Variants in SPNS1 observed in about 807,000 individuals in gnomAD.
The protein encoded by SPNS1 is protein spinster homolog 1.
SPNS1 carries 22 observed loss-of-function variants against 50.3 expected under a neutral mutation model. The observed-to-expected ratio is 0.44, with a 90% CI of 0.31 to 0.62. The LOEUF (loss-of-function observed/expected upper bound fraction) is 0.62. Among genes scored for constraint, SPNS1 ranks in the 20% least tolerant of loss-of-function variants. The pLI, the probability that SPNS1 is intolerant of heterozygous loss-of-function variation, is 0.07. For missense variants in SPNS1, 576 were observed against 728.6 expected, an observed-to-expected ratio of 0.79 and a Z score of 2.41; for synonymous variants, 295 against 317.4, an observed-to-expected ratio of 0.93 and a Z score of 0.75.
In SPNS1 at chr16:28,983,076, A is replaced by C; in HGVS notation, c.1222-116A>C. 1 of 1,208,082 alleles carries C rather than the reference A, an allele frequency of 8.3e-7. No homozygotes were observed. The highest frequency in any genetic ancestry group is 1.2e-6 in the Non-Finnish European group (1 of 832,374). 74.8% of individuals were successfully genotyped at this position (1,208,082 alleles called of 1,614,324 possible). A position where few individuals can be genotyped will look rare whatever the true frequency, so the allele number is the denominator to read the frequency against. On this transcript the variant is annotated intron_variant, in intron 9 of 11. Transcript: ENST00000311008. The surrounding 1 kb of genome is among the most constrained non-coding windows in gnomAD (Gnocchi z 5.4). ...GACCCCCGGCCTGCCCTGCGACCTCAACCCCAGGCACACCTCTGACCCCGG... is the reference window on the plus strand; with the variant it reads ...GACCCCCGGCCTGCCCTGCGACCTCCACCCCAGGCACACCTCTGACCCCGG...
rs367683708 is a variant in SPNS1, at chr16:28,982,448, G to A, written c.1058G>A (p.Arg353Gln). Residue 353 changes from arginine (R) to glutamine (Q), a missense_variant, in exon 8 of 12, where the codon CGG becomes CAG. Around this residue, in one of 3 missense-constraint regions of SPNS1, gnomAD observed 428 missense variants for 520.1 expected, o/e 0.82. Transcript: ENST00000311008. ...ISRRLRHSNPRADPLVCATGL... is the reference protein window; with the variant it reads ...ISRRLRHSNPQADPLVCATGL... ...CGCCGGCTCCGCCACTCCAACCCCC[G>A]GGCTGATCCCCTGGTCTGTGCCACT... 8.1e-6 allele frequency: 13 copies of A among 1,613,740 alleles called. No homozygotes were observed. Among genetic ancestry groups the A allele is most frequent in the Middle Eastern group, 3.3e-4 (2 of 6,082 alleles).
At chr16:28,984,624 T>C, downstream of SPNS1, 1 of 612,362 alleles carries the variant, frequency 1.6e-6, no homozygotes, top group Non-Finnish European at 2.9e-6. Flanking sequence ...CTGAAGACTG[T>C]GGGTCATTCC....
chr16:28,980,931 A>G (rs1034021827), intron 5 of SPNS1, among the ~76,000 whole-genome samples: 4 of 152,228 alleles, frequency 2.6e-5, no homozygotes, highest in African/African-American at 7.2e-5. Flanking sequence ...TGAAAGTCCC[A>G]GGTGAGCTTC....
At position 28,983,040 on chromosome 16, in the gene SPNS1, C is replaced by A; in HGVS notation, c.1221+118C>A. 1 of 1,294,078 alleles carries A rather than the reference C, an allele frequency of 7.7e-7. No homozygotes were observed. Among genetic ancestry groups the A allele is most frequent in the Non-Finnish European group, 1.1e-6 (1 of 904,218 alleles). 80.2% of individuals were successfully genotyped at this position (1,294,078 alleles called of 1,614,324 possible). On this transcript the variant is annotated intron_variant, in intron 9 of 11. Coordinates refer to ENST00000311008, the MANE Select transcript of SPNS1 (RefSeq NM_032038.3). This position sits in a 1 kb window ranked among gnomAD's most constrained non-coding sequence, Gnocchi z 5.4. Reference sequence around the variant, plus strand: ...TCAACCTACCTTCTGCAATAAATAACATCTGTAGCAGACCCCCGGCCTGCC... The same window carrying A: ...TCAACCTACCTTCTGCAATAAATAAAATCTGTAGCAGACCCCCGGCCTGCC...
intron 2 of SPNS1, among the ~76,000 whole-genome samples, chr16:28,976,213 A>C (rs1433116087): frequency 6.6e-6 from 1 of 152,194 alleles, no homozygotes; most frequent in Non-Finnish European, 1.5e-5. Context: ...CAGAGGTTGC[A>C]GTGAGCCGAG....
chr16:28,981,502 G>C lies in SPNS1; in HGVS notation c.696G>C (p.Leu232=). 6.2e-7 allele frequency: 1 copy of C among 1,614,130 alleles called. No homozygotes were observed. The highest frequency in any genetic ancestry group is 8.5e-7 in the Non-Finnish European group (1 of 1,180,012). ...VTPGLGVVAV[L]LLFLVVREPP... is the part of the protein sequence containing the mutation. ...CGGGTCTAGGAGTGGTGGCCGTTCT[G>C]CTGCTGTTCCTGGTAGTGCGGGAGC... Residue 232 remains leucine (L), a synonymous_variant, in exon 6 of 12, where the codon CTG becomes CTC. Transcript: ENST00000311008. The surrounding 1 kb of genome is among the most constrained non-coding windows in gnomAD (Gnocchi z 4.2).
At chr16:28,975,413 G>A in intron 1 of SPNS1, 21 bp downstream of exon 1, 1 of 1,614,126 alleles carries the variant, frequency 6.2e-7, no homozygotes, top group Non-Finnish European at 8.5e-7. Context: ...ACTTCTGGGA[G>A]GAAGATAGTC....
chr16:28,978,214 C>T (rs946988387), intron 3 of SPNS1, among the ~76,000 whole-genome samples, 170 bp downstream of exon 3: 7 of 152,068 alleles, frequency 4.6e-5, no homozygotes, highest in African/African-American at 1.4e-4. Flanking sequence ...CCCCATCCTC[C>T]CCTTTTCTTC....
Position 28,981,856 on chromosome 16 carries a change from G to A in SPNS1, c.810-45G>A, listed in dbSNP as rs753479723. The A allele has an allele frequency of 3.1e-6, 5 of 1,607,126 alleles. No homozygotes were observed. Among genetic ancestry groups the A allele is most frequent in the South Asian group, 2.2e-5 (2 of 90,980 alleles). ...GAGAAGAGAGGTCCCCTCCTGCCTC[G>A]ACACCTCCGTGGGGTCTTACTCTCT... On this transcript the variant is annotated intron_variant, in intron 6 of 11. Transcript: ENST00000311008. This position sits in a 1 kb window ranked among gnomAD's most constrained non-coding sequence, Gnocchi z 4.2.
intron 7 of SPNS1, 60 bp downstream of exon 7, chr16:28,982,116 C>T: frequency 6.3e-7 from 1 of 1,578,456 alleles, no homozygotes; most frequent in Non-Finnish European, 8.6e-7. Context: ...TGAAGAGCAT[C>T]TGTGGCTCAG....
chr16:28,979,109 C>G (rs1395602028), intron 3 of SPNS1, 46 bp from the exon 4 acceptor site: 8 of 1,592,142 alleles, frequency 5.0e-6, no homozygotes, highest in African/African-American at 1.3e-5. Context: ...AGCCCGGAGG[C>G]TGGTTGCAGG....
chr16:28,975,316 C>T lies in SPNS1; in HGVS notation c.165C>T (p.Pro55=), dbSNP rs779855090. The T allele has an allele frequency of 1.5e-5, 23 of 1,583,996 alleles. No individual in the cohort carries two copies. Among genetic ancestry groups the T allele is most frequent in the Non-Finnish European group, 1.6e-5 (19 of 1,161,884 alleles). The change falls in exon 1 of 12, where the codon CCC becomes CCT. Residue 55 remains proline (P), a synonymous_variant. Transcript: ENST00000311008. ...EGLQRITGLS[P]GRSALIVAVL... ...TGCAGCGCATCACCGGCCTGTCTCC[C>T]GGCCGTTCGGCTCTCATAGTGGCGG...
chr16:28,979,377 C>G (rs1445792733), intron 4 of SPNS1, 28 bp from the exon 5 acceptor site: 3 of 1,613,998 alleles, frequency 1.9e-6, no homozygotes, highest in Admixed American at 3.3e-5. Flanking sequence ...TGGCTGTCCC[C>G]CCTTTTTCCC....
chr16:28,983,386 T>C lies in SPNS1; in HGVS notation c.1320+96T>C. The C allele has an allele frequency of 1.1e-6, 1 of 948,878 alleles. No individual in the cohort carries two copies. The highest frequency in any genetic ancestry group is 1.7e-6 in the Non-Finnish European group (1 of 590,220). The allele number at this position is 948,878 out of a possible 1,614,324, so 58.8% of individuals were successfully genotyped here. A position where few individuals can be genotyped will look rare whatever the true frequency, so the allele number is the denominator to read the frequency against. ...CCTAGTGAAGTGTCTGTGTCCTGCGTGCTGGGCACTTCTCACCTTCCATTG... is the reference window on the plus strand; with the variant it reads ...CCTAGTGAAGTGTCTGTGTCCTGCGCGCTGGGCACTTCTCACCTTCCATTG... On this transcript the variant is annotated intron_variant, in intron 10 of 11. Coordinates refer to ENST00000311008, the MANE Select transcript of SPNS1 (RefSeq NM_032038.3). The surrounding 1 kb of genome is among the most constrained non-coding windows in gnomAD (Gnocchi z 5.4).
chr16:28,981,932 A>G lies in SPNS1; in HGVS notation c.841A>G (p.Thr281Ala), dbSNP rs1965568177. The change falls in exon 7 of 12, where the codon ACT becomes GCT. Residue 281 changes from threonine to alanine, a missense_variant. By Grantham distance (58) the Thr-to-Ala change is moderately conservative (BLOSUM62 0). Coordinates refer to ENST00000311008, the MANE Select transcript of SPNS1 (RefSeq NM_032038.3). This position sits in a 1 kb window ranked among gnomAD's most constrained non-coding sequence, Gnocchi z 4.2. ...TTTCGTCCTGTCTTCCCTGGGCTTCACTGCTGTGGCCTTTGTCACGGGCTC... is the reference window on the plus strand; with the variant it reads ...TTTCGTCCTGTCTTCCCTGGGCTTCGCTGCTGTGGCCTTTGTCACGGGCTC... ...PSFVLSSLGF[T>A]AVAFVTGSLA... The G allele has an allele frequency of 1.2e-6, 2 of 1,614,020 alleles. No homozygotes were observed. Among genetic ancestry groups the G allele is most frequent in the Non-Finnish European group, 1.7e-6 (2 of 1,180,020 alleles).
At position 28,974,935 on chromosome 16, in the gene SPNS1, G is replaced by T. The variant is rs575236019; in HGVS notation, c.-217G>T. On this transcript the variant is annotated 5_prime_UTR_variant, in exon 1 of 12. Transcript: ENST00000311008. Reference sequence around the variant, plus strand: ...CTGTCCCCGACATCACGTGTATTCCGCACGTCCCCTCCGCGCTGTGTGTCT... The same window carrying T: ...CTGTCCCCGACATCACGTGTATTCCTCACGTCCCCTCCGCGCTGTGTGTCT... 1.3e-6 allele frequency: 2 copies of T among 1,502,006 alleles called. No homozygotes were observed. The highest frequency in any genetic ancestry group is 2.1e-5 in the Admixed American group (1 of 47,624). The allele number at this position is 1,502,006 out of a possible 1,614,324, so 93.0% of individuals were successfully genotyped here.
intron 2 of SPNS1, among the ~76,000 whole-genome samples, chr16:28,977,255 C>T (rs1264244962): frequency 6.8e-6 from 1 of 146,814 alleles, no homozygotes; most frequent in Non-Finnish European, 1.5e-5. Flanking sequence ...GCGGAGGTTG[C>T]AGTGAGCTGA....
intron 5 of SPNS1, among the ~76,000 whole-genome samples, chr16:28,980,936 A>G (rs117219491): frequency 6.6e-6 from 1 of 152,316 alleles, no homozygotes; most frequent in East Asian, 1.9e-4. Flanking sequence ...GTCCCAGGTG[A>G]GCTTCAGTCA....
In SPNS1 at chr16:28,981,753, T is replaced by G; in HGVS notation, c.809+138T>G. 6.7e-7 allele frequency: 1 copy of G among 1,487,558 alleles called. No homozygotes were observed. Among genetic ancestry groups the G allele is most frequent in the Admixed American group, 1.9e-5 (1 of 53,776 alleles). The allele number at this position is 1,487,558 out of a possible 1,614,324, so 92.1% of individuals were successfully genotyped here. ...ATACTGTCCCCTTGTGGCAGCTGCT[T>G]GAATTACAGGCCCAGATCCTGGGAG... On this transcript the variant is annotated intron_variant, in intron 6 of 11. Coordinates refer to ENST00000311008, the MANE Select transcript of SPNS1 (RefSeq NM_032038.3). The surrounding 1 kb of genome is among the most constrained non-coding windows in gnomAD (Gnocchi z 4.2).
Sources: allele counts gnomAD v4.1 joint callset (sites outside exome capture counted in the v4.1 genomes callset), GRCh38; gene constraint gnomAD v4.1.1; regional missense constraint gnomAD v4.1.1; non-coding constraint Gnocchi (gnomAD v3.1); transcripts MANE v1.5; gene names NCBI Gene and HGNC (gene_info 2026-07-23, HGNC 2026-07-21).